Variants in COL4A4 observed in about 807,000 individuals in gnomAD.
COL4A4 encodes the protein collagen alpha-4(IV) chain.
Under a neutral mutation model 192.9 loss-of-function variants are expected in COL4A4, and 105 were observed. The ratio of observed to expected loss-of-function variants is 0.54; its 90% confidence interval spans 0.46 to 0.64. COL4A4 has a LOEUF of 0.64. Among genes scored for constraint, COL4A4 ranks in the 30% least tolerant of loss-of-function variants. The probability of loss-of-function intolerance (pLI) is 0.00; values close to 1 mark genes in which losing one functional copy is unlikely to be tolerated. For missense variants in COL4A4, 1,967 were observed against 2,169.3 expected, an observed-to-expected ratio of 0.91 and a Z score of 1.85; for synonymous variants, 762 against 769.9, an observed-to-expected ratio of 0.99 and a Z score of 0.17.
At chr2:227,119,811 A>C in intron 6 of COL4A4, 84 bp downstream of exon 6, 1 of 671,312 alleles carries the variant, frequency 1.5e-6, no homozygotes, top group Non-Finnish European at 2.3e-6. Flanking sequence ...TATATATTTT[A>C]TGTATATATA....
chr2:226,971,866 C>T, the COL4A4 span, among the ~76,000 whole-genome samples: 1 of 149,840 alleles, frequency 6.7e-6, no homozygotes, highest in Non-Finnish European at 1.5e-5. Flanking sequence ...TGGCAAGGAA[C>T]TTATTGAACA....
chr2:227,142,235 G>A lies in COL4A4; in HGVS notation c.115-1997C>T, dbSNP rs561766492. 1.6e-4 allele frequency among the ~76,000 whole-genome samples: 24 copies of A among 152,156 alleles called. No homozygotes were observed. In the South Asian group the frequency reaches 2.9e-3, roughly 18 times the overall value. ...CATTCCCCAATAAATATTTAAAAGAGGAGGGTGAAATTATAGAGGTCTGCA... is the reference window on the plus strand; with the variant it reads ...CATTCCCCAATAAATATTTAAAAGAAGAGGGTGAAATTATAGAGGTCTGCA... On this transcript the variant is annotated intron_variant, in intron 3 of 47. Transcript: ENST00000396625.
chr2:227,015,261 C>G (rs1012305667), intron 44 of COL4A4, among the ~76,000 whole-genome samples: 1 of 152,052 alleles, frequency 6.6e-6, no homozygotes, highest in African/African-American at 2.4e-5. Context: ...ATCAGGGATG[C>G]GTATAAGTAA....
intron 3 of COL4A4, among the ~76,000 whole-genome samples, chr2:227,142,339 G>A (rs16823253): frequency 0.021 from 3,225 of 152,132 alleles, 135 homozygotes; most frequent in African/African-American, 0.073. Flanking sequence ...AAGTACGAAC[G>A]ACATTCACTG....
rs1975256556 is a variant in COL4A4, at chr2:227,056,057, C to A, written c.2604G>T (p.Met868Ile). Residue 868 changes from methionine (M) to isoleucine (I), a missense_variant, in exon 30 of 48, where the codon ATG becomes ATT. Physicochemically the swap from Met to Ile is conservative, Grantham distance 10. Coordinates refer to ENST00000396625, the MANE Select transcript of COL4A4 (RefSeq NM_000092.5). ...GDVGPPGPAG[M>I]KGLPGLPGRP... Reference sequence around the variant, plus strand: ...GTCCTGGGAGTCCGGGGAGGCCTTTCATTCCAGCTGGCCCGGGAGGCCCCA... The same window carrying A: ...GTCCTGGGAGTCCGGGGAGGCCTTTAATTCCAGCTGGCCCGGGAGGCCCCA... 3 of 1,614,094 alleles carry A rather than the reference C, an allele frequency of 1.9e-6. No homozygotes were observed. Among genetic ancestry groups the A allele is most frequent in the Non-Finnish European group, 2.5e-6 (3 of 1,180,022 alleles).
intron 4 of COL4A4, among the ~76,000 whole-genome samples, chr2:227,132,608 T>C (rs541843688): frequency 3.6e-4 from 55 of 152,110 alleles, no homozygotes; most frequent in African/African-American, 1.2e-3. Context: ...AAATCCCGGC[T>C]CTACTAAAAA....
chr2:227,141,337 TG>T (rs2063195474), intron 3 of COL4A4, among the ~76,000 whole-genome samples: 1 of 152,212 alleles, frequency 6.6e-6, no homozygotes, highest in South Asian at 2.1e-4. Context: ...TTTAGACCAC[TG>T]TATGATGGGA....
the COL4A4 span, among the ~76,000 whole-genome samples, chr2:226,980,117 C>CT: frequency 6.6e-6 from 1 of 152,274 alleles, no homozygotes; most frequent in African/African-American, 2.4e-5. Flanking sequence ...CACCACTTAC[C>CT]TTTCATTGCT....
At chr2:227,119,639 C>T (rs1258113821) in intron 6 of COL4A4, among the ~76,000 whole-genome samples, 2 of 148,180 alleles carry the variant, frequency 1.3e-5, no homozygotes, top group Non-Finnish European at 3.0e-5. Flanking sequence ...ACCGCAATTA[C>T]TTTTGCACCA....
intron 36 of COL4A4, among the ~76,000 whole-genome samples, chr2:227,042,666 A>C (rs1971688114): frequency 6.6e-6 from 1 of 152,156 alleles, no homozygotes; most frequent in African/African-American, 2.4e-5. Flanking sequence ...CATGCCTGTA[A>C]TCCCGGCACT....
At chr2:227,161,596 G>A (rs1001333171) in intron 1 of COL4A4, among the ~76,000 whole-genome samples, 2 of 152,174 alleles carry the variant, frequency 1.3e-5, no homozygotes, top group Non-Finnish European at 2.9e-5. Flanking sequence ...TGTGGCAGGT[G>A]GGGAATAGGT....
intron 31 of COL4A4, among the ~76,000 whole-genome samples, 158 bp downstream of exon 31, chr2:227,054,436 T>C (rs56335810): frequency 6.6e-6 from 1 of 152,172 alleles, no homozygotes. Context: ...GTAAAGAAAA[T>C]GAATTTTGTT....
Position 227,091,664 on chromosome 2 carries a change from G to C in COL4A4, c.1370-1707C>G, listed in dbSNP as rs1347472238. Among the ~76,000 whole-genome samples the C allele has an allele frequency of 3.3e-5, 5 of 151,964 alleles. No individual in the cohort carries two copies. The South Asian group carries it at 6.2e-4, about 19-fold the overall frequency. ...ATCCCAGCACTTTGGGAGGCCAAAGGGGGCAGATCACCTGGGGTCAGGAGT... is the reference window on the plus strand; with the variant it reads ...ATCCCAGCACTTTGGGAGGCCAAAGCGGGCAGATCACCTGGGGTCAGGAGT... On this transcript the variant is annotated intron_variant, in intron 20 of 47. Coordinates refer to ENST00000396625, the MANE Select transcript of COL4A4 (RefSeq NM_000092.5).
intron 1 of COL4A4, among the ~76,000 whole-genome samples, chr2:227,156,938 C>T (rs573069930): frequency 3.3e-5 from 5 of 152,174 alleles, no homozygotes; most frequent in African/African-American, 4.8e-5. Flanking sequence ...AAGTATAATA[C>T]CAGTTAAGAC....
At chr2:227,012,366 A>G (rs991969764) in intron 44 of COL4A4, 69 bp from the exon 45 acceptor site, 6 of 1,245,204 alleles carry the variant, frequency 4.8e-6, no homozygotes, top group African/African-American at 1.5e-5. Flanking sequence ...CCGTGCTTAT[A>G]CCGTATGCCA....
At chr2:227,001,481 C>T (rs1960946748), downstream of COL4A4, among the ~76,000 whole-genome samples, 1 of 152,162 alleles carries the variant, frequency 6.6e-6, no homozygotes, top group South Asian at 2.1e-4. Flanking sequence ...GGATGGGCTA[C>T]CTTAGAACCC....
At chr2:227,160,197 T>G (rs1314967537) in intron 1 of COL4A4, among the ~76,000 whole-genome samples, 3 of 152,220 alleles carry the variant, frequency 2.0e-5, no homozygotes, top group Non-Finnish European at 2.9e-5. Flanking sequence ...CACTATTCTA[T>G]TCCAAGAAAT....
intron 18 of COL4A4, 40 bp downstream of exon 18, chr2:227,099,580 T>G (rs1176672756): frequency 6.3e-7 from 1 of 1,593,774 alleles, no homozygotes; most frequent in Non-Finnish European, 8.6e-7. Flanking sequence ...CAACTCCTAT[T>G]TCTGCATAAT....
chr2:226,976,010 A>C, the COL4A4 span, among the ~76,000 whole-genome samples: 1 of 151,838 alleles, frequency 6.6e-6, no homozygotes, highest in East Asian at 1.9e-4. Context: ...TCCTGCCCCC[A>C]TTAGCATAGC....
Sources: allele counts gnomAD v4.1 joint callset (sites outside exome capture counted in the v4.1 genomes callset), GRCh38; gene constraint gnomAD v4.1.1; transcripts MANE v1.5; gene names NCBI Gene and HGNC (gene_info 2026-07-23, HGNC 2026-07-21).